GNG7: variants seen among roughly 807,000 people sequenced by gnomAD.
GNG7 encodes G protein subunit gamma 7.
GNG7 carries 1 observed loss-of-function variant against 4.0 expected under a neutral mutation model. That is an observed-to-expected ratio of 0.25 (90% CI 0.09 to 1.18). The LOEUF is 1.18. Among genes scored for constraint, GNG7 ranks in the 50% most tolerant of loss-of-function variants. GNG7 has a pLI of 0.50. For synonymous variants in GNG7, 34 were observed against 36.9 expected (o/e 0.92, Z 0.29); for missense variants, 86 against 91.9 (o/e 0.94, Z 0.26).
At chr19:2,518,513 T>A (rs2144726022) in intron 4 of GNG7, among the ~76,000 whole-genome samples, 1 of 152,118 alleles carries the variant, frequency 6.6e-6, no homozygotes, top group South Asian at 2.1e-4. Flanking sequence ...AGCAGCAGCG[T>A]GATGGGGTCT....
At chr19:2,698,763 T>A (rs531644326) in intron 1 of GNG7, among the ~76,000 whole-genome samples, 1 of 147,484 alleles carries the variant, frequency 6.8e-6, no homozygotes, top group South Asian at 2.1e-4. Flanking sequence ...AAGAAAGGAG[T>A]GTTTTCCACT....
intron 2 of GNG7, among the ~76,000 whole-genome samples, chr19:2,569,298 CAG>C (rs1162124452): frequency 6.6e-6 from 1 of 151,942 alleles, no homozygotes; most frequent in East Asian, 1.9e-4. Flanking sequence ...TTTTGTGAGA[CAG>C]AGTCTCGCTC....
chr19:2,590,715 A>G (rs1430426782), intron 2 of GNG7, among the ~76,000 whole-genome samples: 1 of 150,672 alleles, frequency 6.6e-6, no homozygotes, highest in Non-Finnish European at 1.5e-5. Flanking sequence ...CCACCCATTC[A>G]TCCATCCATC....
chr19:2,559,052 G>GC (rs1022870483), intron 2 of GNG7, among the ~76,000 whole-genome samples: 3 of 151,660 alleles, frequency 2.0e-5, no homozygotes, highest in Admixed American at 6.6e-5. Context: ...ACCCACCTTG[G>GC]CCCCCCCAAA....
At chr19:2,596,222 G>A (rs527525155) in intron 2 of GNG7, among the ~76,000 whole-genome samples, 27 of 152,202 alleles carry the variant, frequency 1.8e-4, no homozygotes, top group South Asian at 6.2e-4. Context: ...AGCCGGGTGC[G>A]GTGGTGCATG....
chr19:2,572,712 G>GCCT (rs1475913006), intron 2 of GNG7, among the ~76,000 whole-genome samples: 1 of 151,284 alleles, frequency 6.6e-6, no homozygotes, highest in Non-Finnish European at 1.5e-5. Context: ...TCCCATCTCA[G>GCCT]CCTCCCGAGT....
intron 2 of GNG7, among the ~76,000 whole-genome samples, chr19:2,594,844 G>A (rs903682365): frequency 3.4e-4 from 51 of 152,036 alleles, no homozygotes; most frequent in African/African-American, 1.2e-3. Context: ...ATGGCCCGGC[G>A]TGGTGGCTCA....
At chr19:2,562,260 G>C (rs1190584861) in intron 2 of GNG7, among the ~76,000 whole-genome samples, 1 of 148,594 alleles carries the variant, frequency 6.7e-6, no homozygotes, top group Non-Finnish European at 1.5e-5. Context: ...ATCTACAGCG[G>C]GTTCCTTTTT....
Position 2,512,764 on chromosome 19 carries a change from G to A in GNG7, c.*2258C>T, listed in dbSNP as rs1410405759. On this transcript the variant is annotated 3_prime_UTR_variant, in exon 5 of 5. Transcript: ENST00000382159. The surrounding 1 kb of genome is among the most constrained non-coding windows in gnomAD (Gnocchi z 4.7). ...GGCCTCTTTTAAGGAAAAACGGGGT[G>A]GGGTGTGTTTGTTCCCAGTTACCAA... 5 of 357,418 alleles carry A rather than the reference G, an allele frequency of 1.4e-5. No individual in the cohort carries two copies. The highest frequency in any genetic ancestry group is 1.1e-4 in the African/African-American group (5 of 45,246). 22.1% of individuals were successfully genotyped at this position (357,418 alleles called of 1,614,324 possible).
chr19:2,671,652 A>G (rs73510548), intron 1 of GNG7, among the ~76,000 whole-genome samples: 11,446 of 152,124 alleles, frequency 0.075, 890 homozygotes, highest in African/African-American at 0.2. Flanking sequence ...TGGCCCATTC[A>G]AAGGGCATCA....
In GNG7 at chr19:2,557,620, C is replaced by A. The variant is rs1483939119; in HGVS notation, c.-77-2432G>T. On this transcript the variant is annotated intron_variant, in intron 2 of 4. Coordinates refer to ENST00000382159, the MANE Select transcript of GNG7 (RefSeq NM_052847.3). This position sits in a 1 kb window ranked among gnomAD's most constrained non-coding sequence, Gnocchi z 5.1. ...AGTTAGACTTCTGACCCATCACAAACTCTGAGTCAAAGTGCGATGTGCCCA... is the reference window on the plus strand; with the variant it reads ...AGTTAGACTTCTGACCCATCACAAAATCTGAGTCAAAGTGCGATGTGCCCA... 2.0e-5 allele frequency among the ~76,000 whole-genome samples: 1 copy of A among 51,174 alleles called. No individual in the cohort carries two copies. The highest frequency in any genetic ancestry group is 5.2e-4 in the South Asian group (1 of 1,920). 33.6% of individuals were successfully genotyped at this position (51,174 alleles called of 152,430 possible).
intron 2 of GNG7, among the ~76,000 whole-genome samples, chr19:2,567,143 CAAA>C (rs1231987195): frequency 1.4e-3 from 188 of 130,094 alleles, no homozygotes; most frequent in African/African-American, 4.7e-3. Context: ...AAAAAAAAAA[CAAA>C]AAAAAAAACA....
intron 3 of GNG7, among the ~76,000 whole-genome samples, chr19:2,541,505 TG>T (rs1978961416): frequency 6.6e-6 from 1 of 151,280 alleles, no homozygotes; most frequent in South Asian, 2.1e-4. Context: ...GAGGCCGAGG[TG>T]GGTGGATCAC....
chr19:2,671,244 C>G (rs964841963), intron 1 of GNG7, among the ~76,000 whole-genome samples: 1 of 146,440 alleles, frequency 6.8e-6, no homozygotes, highest in Non-Finnish European at 1.5e-5. Flanking sequence ...TCCAGCTGAT[C>G]TCAGACAACC....
chr19:2,636,942 CCCCACTTGTG>C (rs1442603590), intron 2 of GNG7, among the ~76,000 whole-genome samples: 1 of 151,584 alleles, frequency 6.6e-6, no homozygotes, highest in Non-Finnish European at 1.5e-5. Context: ...GCACCTCCGT[CCCCACTTGTG>C]CCCACCTGCG....
intron 3 of GNG7, among the ~76,000 whole-genome samples, chr19:2,527,289 C>T (rs1257508516): frequency 6.6e-6 from 1 of 152,220 alleles, no homozygotes; most frequent in Non-Finnish European, 1.5e-5. Flanking sequence ...ACCCTGAGGT[C>T]AGCCCAATGC....
intron 2 of GNG7, among the ~76,000 whole-genome samples, chr19:2,568,859 TAC>T (rs1160086713): frequency 1.3e-5 from 2 of 151,770 alleles, no homozygotes; most frequent in East Asian, 3.9e-4. Context: ...CACACAAATA[TAC>T]ACACAAGTAC....
At chr19:2,665,368 G>A (rs1372577545) in intron 1 of GNG7, among the ~76,000 whole-genome samples, 3 of 151,976 alleles carry the variant, frequency 2.0e-5, no homozygotes, top group Non-Finnish European at 4.4e-5. Context: ...CCCTGGGGGG[G>A]GGGGGGCAGG....
Position 2,524,870 on chromosome 19 carries a change from G to A in GNG7, c.-37-4145C>T, listed in dbSNP as rs942507171. 4.6e-5 allele frequency among the ~76,000 whole-genome samples: 7 copies of A among 152,340 alleles called. No homozygotes were observed. The South Asian group carries it at 8.3e-4, about 18-fold the overall frequency. ...TGTAGGTGCGTGGATATGTGCGTGC[G>A]TGGGTGTGTACATGTGTCTGCATGT... On this transcript the variant is annotated intron_variant, in intron 3 of 4. Transcript: ENST00000382159.
Sources: allele counts gnomAD v4.1 joint callset (sites outside exome capture counted in the v4.1 genomes callset), GRCh38; gene constraint gnomAD v4.1.1; non-coding constraint Gnocchi (gnomAD v3.1); transcripts MANE v1.5; gene names NCBI Gene and HGNC (gene_info 2026-07-23, HGNC 2026-07-21).